MYO1E: variants seen among roughly 807,000 people sequenced by gnomAD.
MYO1E encodes the protein myosin IE.
Under a neutral mutation model 151.1 loss-of-function variants are expected in MYO1E, and 68 were observed. That is an observed-to-expected ratio of 0.45 (90% confidence interval 0.37 to 0.55). The LOEUF (loss-of-function observed/expected upper bound fraction) is 0.55. MYO1E is among the 20% of genes least tolerant of loss of function. The pLI, the probability that MYO1E is intolerant of heterozygous loss-of-function variation, is 0.00. For missense variants in MYO1E, 1,363 were observed against 1,389.3 expected (o/e 0.98, Z 0.30); for synonymous variants, 601 against 501.7 (o/e 1.20, Z -2.64).
intron 13 of MYO1E, among the ~76,000 whole-genome samples, chr15:59,209,938 G>A (rs34412930): frequency 0.34 from 49,782 of 146,480 alleles, 8,736 homozygotes; most frequent in East Asian, 0.56. Flanking sequence ...AGGCTCAAGC[G>A]ATCCTCCCAC....
At position 59,311,892 on chromosome 15, in the gene MYO1E, C is replaced by T. The variant is rs138926646; in HGVS notation, c.4-39443G>A. Among the ~76,000 whole-genome samples, 1,108 of 152,232 alleles carry T rather than the reference C, an allele frequency of 7.3e-3. 10 individuals carry two copies. The highest frequency in any genetic ancestry group is 0.025 in the African/African-American group (1,039 of 41,532). On this transcript the variant is annotated intron_variant, in intron 1 of 27. Transcript: ENST00000288235. The stretch of plus-strand genomic sequence containing the variant: ...ACACTTTCTCACTCTTTCTCGTGCA[C>T]GCACTTGCCATATGTTGCTTTCTGC...
At chr15:59,231,381 C>T (rs1371237004) in intron 6 of MYO1E, among the ~76,000 whole-genome samples, 2 of 152,176 alleles carry the variant, frequency 1.3e-5, no homozygotes, top group African/African-American at 2.4e-5. Flanking sequence ...ATTTCTTGGT[C>T]TGGGAAAGAA....
chr15:59,211,173 C>G (rs1324164634), intron 12 of MYO1E, among the ~76,000 whole-genome samples: 1 of 147,790 alleles, frequency 6.8e-6, no homozygotes, highest in African/African-American at 2.5e-5. Flanking sequence ...GCACTTCAGC[C>G]TGGATGACAG....
At chr15:59,214,775 G>C in intron 10 of MYO1E, 55 bp from the exon 11 acceptor site, 1 of 1,369,944 alleles carries the variant, frequency 7.3e-7, no homozygotes. Flanking sequence ...ACTAAAAACG[G>C]GCATGCACTG....
chr15:59,312,780 G>C, intron 1 of MYO1E, among the ~76,000 whole-genome samples: 1 of 152,226 alleles, frequency 6.6e-6, no homozygotes, highest in East Asian at 1.9e-4. Flanking sequence ...CAGCACTTTG[G>C]GAAGCCGAGG....
At chr15:59,262,748 T>A (rs2080231539) in intron 2 of MYO1E, among the ~76,000 whole-genome samples, 1 of 152,114 alleles carries the variant, frequency 6.6e-6, no homozygotes, top group South Asian at 2.1e-4. Flanking sequence ...TATTTCTGCT[T>A]GGGGAATACA....
chr15:59,150,090 G>T (rs775566208), intron 26 of MYO1E, among the ~76,000 whole-genome samples: 1 of 152,238 alleles, frequency 6.6e-6, no homozygotes. Context: ...AGAAAAGGCT[G>T]AGCCTTTTGC....
In MYO1E at chr15:59,202,321, C is replaced by T; in HGVS notation, c.1698+5G>A. ...AATCTATAAACTTCCTAAAATAGAA[C>T]TAACCTTTATTTTGCTTCCGGCAGT... is the stretch of plus-strand genomic sequence containing the variant. On this transcript the variant is annotated splice_donor_5th_base_variant and intron_variant, in intron 16 of 27. Coordinates refer to ENST00000288235, the MANE Select transcript of MYO1E (RefSeq NM_004998.4). The T allele has an allele frequency of 2.5e-6, 4 of 1,612,526 alleles. No homozygotes were observed. Among genetic ancestry groups the T allele is most frequent in the Non-Finnish European group, 3.4e-6 (4 of 1,178,522 alleles).
At chr15:59,282,997 GGGAA>G in intron 1 of MYO1E, among the ~76,000 whole-genome samples, 1 of 118,222 alleles carries the variant, frequency 8.5e-6, no homozygotes, top group African/African-American at 3.1e-5. Context: ...AAAGGGGAAA[GGGAA>G]AGGCCTGGGC....
chr15:59,144,378 G>A (rs1451733160), intron 26 of MYO1E, among the ~76,000 whole-genome samples: 2 of 151,994 alleles, frequency 1.3e-5, no homozygotes, highest in Non-Finnish European at 2.9e-5. Context: ...TGTTGGCTAG[G>A]CTGGTGTTGA....
chr15:59,278,241 A>C lies in MYO1E; in HGVS notation c.4-5792T>G, dbSNP rs1413598089. ...CAGGACAGCAGATTTGATTTCAGAA[A>C]ACCTGGGACTAGAATGCCCCCAGTG... On this transcript the variant is annotated intron_variant, in intron 1 of 27. Transcript: ENST00000288235. 2.0e-5 allele frequency among the ~76,000 whole-genome samples: 3 copies of C among 152,308 alleles called. No individual in the cohort carries two copies. The East Asian group carries it at 5.8e-4, about 29-fold the overall frequency.
chr15:59,324,671 C>A (rs866799582), intron 1 of MYO1E, among the ~76,000 whole-genome samples: 37 of 139,202 alleles, frequency 2.7e-4, no homozygotes, highest in African/African-American at 9.1e-4. Context: ...AAGCCCCCCC[C>A]CCACAGAGGG....
At chr15:59,210,021 C>T (rs1323569433) in intron 13 of MYO1E, among the ~76,000 whole-genome samples, 2 of 151,314 alleles carry the variant, frequency 1.3e-5, no homozygotes, top group Non-Finnish European at 2.9e-5. Context: ...TTAGCTAATA[C>T]AATTTTTGTA....
At chr15:59,299,587 T>A (rs781780932) in intron 1 of MYO1E, among the ~76,000 whole-genome samples, 1 of 152,250 alleles carries the variant, frequency 6.6e-6, no homozygotes, top group African/African-American at 2.4e-5. Context: ...TTTGTTGCCA[T>A]AAGATTCAAT....
chr15:59,289,688 A>G (rs1307260286), intron 1 of MYO1E, among the ~76,000 whole-genome samples: 2 of 152,226 alleles, frequency 1.3e-5, no homozygotes, highest in Non-Finnish European at 2.9e-5. Flanking sequence ...CAGAAATTAG[A>G]AAGCTGTCAT....
rs144300513 is a variant in MYO1E at position 59,323,924 on chromosome 15, T to C, written c.3+48574A>G. Among the ~76,000 whole-genome samples, 24 of 151,968 alleles carry C rather than the reference T, an allele frequency of 1.6e-4. No individual in the cohort carries two copies. The East Asian group carries it at 4.6e-3, about 29-fold the overall frequency. On this transcript the variant is annotated intron_variant, in intron 1 of 27. Transcript: ENST00000288235. Reference sequence around the variant, plus strand: ...TCTGAGTTTGAAGCAGCAAAGACCCTTCATGAGCCCACAGTGACTTCTCCA... The same window carrying C: ...TCTGAGTTTGAAGCAGCAAAGACCCCTCATGAGCCCACAGTGACTTCTCCA...
chr15:59,220,946 AAGAT>A (rs1261866633), intron 9 of MYO1E, among the ~76,000 whole-genome samples: 10 of 141,552 alleles, frequency 7.1e-5, no homozygotes, highest in Non-Finnish European at 1.4e-4. Context: ...AAAAAAAAAA[AAGAT>A]AAAGCTCCTT....
intron 3 of MYO1E, among the ~76,000 whole-genome samples, chr15:59,256,819 A>G (rs7165751): frequency 0.98 from 149,450 of 152,276 alleles, 73,403 homozygotes; most frequent in East Asian, 1. Flanking sequence ...AAACTCTTAC[A>G]TAATTTTTTC....
At chr15:59,296,897 T>G (rs1319951519) in intron 1 of MYO1E, among the ~76,000 whole-genome samples, 1 of 147,692 alleles carries the variant, frequency 6.8e-6, no homozygotes, top group Non-Finnish European at 1.5e-5. Flanking sequence ...TGAAGTGCAG[T>G]GGCATGATGT....
Sources: allele counts gnomAD v4.1 joint callset (sites outside exome capture counted in the v4.1 genomes callset), GRCh38; gene constraint gnomAD v4.1.1; transcripts MANE v1.5; gene names NCBI Gene and HGNC (gene_info 2026-07-23, HGNC 2026-07-21).